Variants in PPP1R12B observed in about 807,000 individuals in gnomAD.
The protein encoded by PPP1R12B is protein phosphatase 1 regulatory subunit 12B, also known as myosin phosphatase target subunit 2.
Under a neutral mutation model 126.1 loss-of-function variants are expected in PPP1R12B, and 76 were observed. The ratio of observed to expected loss-of-function variants is 0.60; its 90% CI spans 0.50 to 0.73. PPP1R12B has a LOEUF of 0.73. PPP1R12B is among the 30% of genes least tolerant of loss of function. The pLI, the probability that PPP1R12B is intolerant of heterozygous loss-of-function variation, is 0.00. For synonymous variants in PPP1R12B, 356 were observed against 434.7 expected, an observed-to-expected ratio of 0.82 and a Z score of 2.25; for missense variants, 1,052 against 1,205.1, an observed-to-expected ratio of 0.87 and a Z score of 1.88.
chr1:202,517,771 G>A (rs1254070598), intron 18 of PPP1R12B, among the ~76,000 whole-genome samples: 1 of 151,864 alleles, frequency 6.6e-6, no homozygotes, highest in Non-Finnish European at 1.5e-5. Context: ...GATTACAGGC[G>A]ACCACTATCA....
intron 20 of PPP1R12B, 81 bp from the exon 21 acceptor site, chr1:202,564,344 TAGTGGTGGCTTGGGGCAC>T (rs1443708658): frequency 2.5e-6 from 2 of 789,454 alleles, no homozygotes; most frequent in African/African-American, 3.4e-5. Context: ...CTCTACCATA[TAGTGGTGGCTTGGGGCAC>T]AGAGCCCTGG....
At chr1:202,556,000 C>A (rs1267241212) in intron 18 of PPP1R12B, among the ~76,000 whole-genome samples, 1 of 151,906 alleles carries the variant, frequency 6.6e-6, no homozygotes, top group African/African-American at 2.4e-5. Flanking sequence ...CTAAGCTTCC[C>A]AAGTAGCTGG....
chr1:202,441,427 G>A (rs768859783), intron 11 of PPP1R12B, among the ~76,000 whole-genome samples: 6 of 152,140 alleles, frequency 3.9e-5, no homozygotes, highest in African/African-American at 9.7e-5. Context: ...CTCCCAAAGT[G>A]CTGGGATTGT....
At chr1:202,447,499 A>G (rs1417023903) in intron 12 of PPP1R12B, among the ~76,000 whole-genome samples, 2 of 152,210 alleles carry the variant, frequency 1.3e-5, no homozygotes, top group African/African-American at 4.8e-5. Context: ...TATTTTATCA[A>G]TGAAGAAGAG....
intron 13 of PPP1R12B, among the ~76,000 whole-genome samples, chr1:202,461,379 G>A (rs1674292602): frequency 6.6e-6 from 1 of 152,116 alleles, no homozygotes; most frequent in African/African-American, 2.4e-5. Flanking sequence ...TCTATCTCAT[G>A]GAGCTATTGT....
intron 11 of PPP1R12B, 71 bp downstream of exon 11, chr1:202,440,859 A>T: frequency 7.7e-7 from 1 of 1,293,848 alleles, no homozygotes; most frequent in Non-Finnish European, 1.1e-6. Context: ...TCTCCTGGGC[A>T]TTACTCTTCT....
intron 21 of PPP1R12B, among the ~76,000 whole-genome samples, chr1:202,566,985 G>A (rs1178383393): frequency 6.6e-6 from 1 of 152,184 alleles, no homozygotes; most frequent in Non-Finnish European, 1.5e-5. Flanking sequence ...GGACTTAAGG[G>A]TTTTTTATTC....
chr1:202,495,098 GTT>G (rs768986892), intron 15 of PPP1R12B, among the ~76,000 whole-genome samples, 193 bp from the exon 16 acceptor site: 4 of 126,078 alleles, frequency 3.2e-5, no homozygotes, highest in African/African-American at 5.7e-5. Flanking sequence ...TAGCAGCTGT[GTT>G]TTTTTTTTTT....
intron 13 of PPP1R12B, among the ~76,000 whole-genome samples, chr1:202,477,671 G>A (rs1026903059): frequency 6.6e-6 from 1 of 152,148 alleles, no homozygotes; most frequent in African/African-American, 2.4e-5. Flanking sequence ...CTGGGCTCAA[G>A]CAATTCTCCC....
At chr1:202,450,366 T>G (rs1672787615) in intron 13 of PPP1R12B, among the ~76,000 whole-genome samples, 1 of 152,210 alleles carries the variant, frequency 6.6e-6, no homozygotes. Context: ...ACTTTTTGAT[T>G]GCCAGCATTA....
intron 18 of PPP1R12B, among the ~76,000 whole-genome samples, chr1:202,536,935 A>G (rs1269880296): frequency 2.0e-5 from 3 of 152,214 alleles, no homozygotes; most frequent in Non-Finnish European, 4.4e-5. Context: ...TATCATAACA[A>G]TGCCTTCTTC....
intron 18 of PPP1R12B, among the ~76,000 whole-genome samples, chr1:202,541,294 T>C (rs1414797603): frequency 6.6e-6 from 1 of 152,048 alleles, no homozygotes; most frequent in Admixed American, 6.5e-5. Context: ...TAAATTACCA[T>C]GTAGTGGAAT....
intron 18 of PPP1R12B, among the ~76,000 whole-genome samples, chr1:202,528,949 C>G (rs1224714964): frequency 6.6e-6 from 1 of 151,972 alleles, no homozygotes; most frequent in Non-Finnish European, 1.5e-5. Flanking sequence ...TCTCTCCCGA[C>G]AGAACCTTAA....
intron 13 of PPP1R12B, among the ~76,000 whole-genome samples, chr1:202,487,665 G>A (rs1416286535): frequency 1.3e-5 from 2 of 151,454 alleles, no homozygotes; most frequent in African/African-American, 2.4e-5. Flanking sequence ...CTGGAGTGCA[G>A]TGGTGCATTC....
rs1290788219 is a variant in PPP1R12B, at chr1:202,446,236, CTA to C, written c.1668-2733_1668-2732del. On this transcript the variant is annotated intron_variant, in intron 12 of 23. Coordinates refer to ENST00000608999, the MANE Select transcript of PPP1R12B (RefSeq NM_002481.4). The stretch of plus-strand genomic sequence containing the variant: ...TTACTCTCTCTCTCTCTCTCTCTCT[CTA>C]TATATATATATATATATATTTTTTT... Among the ~76,000 whole-genome samples the C allele has an allele frequency of 6.9e-4, 61 of 88,030 alleles. 1 individual carries two copies. Among genetic ancestry groups the C allele is most frequent in the Middle Eastern group, 7.0e-3 (1 of 142 alleles). 57.8% of individuals were successfully genotyped at this position (88,030 alleles called of 152,430 possible).
At chr1:202,468,261 G>A (rs1454724392) in intron 13 of PPP1R12B, among the ~76,000 whole-genome samples, 1 of 152,122 alleles carries the variant, frequency 6.6e-6, no homozygotes, top group African/African-American at 2.4e-5. Flanking sequence ...GGCTTTTGTT[G>A]CCATTGCTTT....
At chr1:202,393,340 G>A (rs755646601) in intron 1 of PPP1R12B, among the ~76,000 whole-genome samples, 7 of 151,568 alleles carry the variant, frequency 4.6e-5, no homozygotes, top group Non-Finnish European at 1.0e-4. Context: ...TAAAACACAT[G>A]AGAAACTTCT....
intron 1 of PPP1R12B, among the ~76,000 whole-genome samples, chr1:202,390,528 T>A (rs1663974814): frequency 6.6e-6 from 1 of 152,210 alleles, no homozygotes. Flanking sequence ...AGGAAGGGTC[T>A]CACTCTGTTG....
chr1:202,505,411 T>C (rs1161747515), intron 18 of PPP1R12B, among the ~76,000 whole-genome samples: 3 of 152,216 alleles, frequency 2.0e-5, no homozygotes, highest in Non-Finnish European at 2.9e-5. Flanking sequence ...TTCTCCAATT[T>C]TTCACAGCGT....
Sources: allele counts gnomAD v4.1 joint callset (sites outside exome capture counted in the v4.1 genomes callset), GRCh38; gene constraint gnomAD v4.1.1; transcripts MANE v1.5; gene names NCBI Gene and HGNC (gene_info 2026-07-23, HGNC 2026-07-21).